TAB2: variants seen among roughly 807,000 people sequenced by gnomAD.
TAB2 encodes TGF-beta activated kinase 1 (MAP3K7) binding protein 2, also known as TGF-beta-activated kinase 1 and MAP3K7-binding protein 2.
In TAB2, 3 loss-of-function variants were observed where a neutral mutation model predicts 65.0. The ratio of observed to expected loss-of-function variants is 0.05; its 90% CI spans 0.02 to 0.12. TAB2 has a LOEUF of 0.12. TAB2 is among the 10% of genes least tolerant of loss of function. The pLI is 1.00. For synonymous variants in TAB2, 298 were observed against 285.1 expected (o/e 1.05, Z -0.46); for missense variants, 623 against 840.3 (o/e 0.74, Z 3.20).
At chr6:149,372,581 G>T (rs1253616280) in intron 2 of TAB2, among the ~76,000 whole-genome samples, 1 of 151,892 alleles carries the variant, frequency 6.6e-6, no homozygotes, top group Non-Finnish European at 1.5e-5. Flanking sequence ...TGTTAATCTG[G>T]CTTTACAAAA....
intron 1 of TAB2, among the ~76,000 whole-genome samples, chr6:149,369,516 A>G (rs931375296): frequency 6.6e-6 from 1 of 152,196 alleles, no homozygotes; most frequent in Admixed American, 6.5e-5. Flanking sequence ...AGTCATTTGT[A>G]GTACCAAATT....
intron 1 of TAB2, among the ~76,000 whole-genome samples, chr6:149,365,367 A>G (rs373350109): frequency 7.2e-5 from 11 of 152,190 alleles, no homozygotes; most frequent in African/African-American, 1.9e-4. Flanking sequence ...TCAAATAGTT[A>G]TATTGCTTTC....
At chr6:149,259,788 A>G (rs1778114636) in intron 1 of TAB2, among the ~76,000 whole-genome samples, 1 of 152,252 alleles carries the variant, frequency 6.6e-6, no homozygotes, top group South Asian at 2.1e-4. Context: ...AATAAGAGAC[A>G]TGATACAAGT....
At chr6:149,344,737 AT>A (rs1562425128) in intron 1 of TAB2, among the ~76,000 whole-genome samples, 3 of 152,184 alleles carry the variant, frequency 2.0e-5, no homozygotes, top group Non-Finnish European at 4.4e-5. Context: ...GGTTGAATTG[AT>A]GAAGTTAGAG....
At chr6:149,393,750 A>G (rs1583155046) in intron 3 of TAB2, among the ~76,000 whole-genome samples, 1 of 152,212 alleles carries the variant, frequency 6.6e-6, no homozygotes, top group Admixed American at 6.5e-5. Context: ...GATTATTTTT[A>G]TGATTTTCCA....
intron 1 of TAB2, among the ~76,000 whole-genome samples, chr6:149,310,294 G>A (rs1184982566): frequency 6.6e-6 from 1 of 152,150 alleles, no homozygotes; most frequent in East Asian, 1.9e-4. Flanking sequence ...GGGAGATCAT[G>A]CCACTGCACT....
intron 1 of TAB2, among the ~76,000 whole-genome samples, chr6:149,258,726 C>T (rs1278402462): frequency 6.6e-6 from 1 of 152,188 alleles, no homozygotes; most frequent in Non-Finnish European, 1.5e-5. Flanking sequence ...AGATTAGTTT[C>T]TCTCCCTTCC....
intron 1 of TAB2, among the ~76,000 whole-genome samples, chr6:149,358,269 T>C (rs543231644): frequency 7.2e-5 from 11 of 152,348 alleles, no homozygotes; most frequent in Non-Finnish European, 1.5e-4. Flanking sequence ...GATTTATATT[T>C]CATATCCACC....
intron 1 of TAB2, among the ~76,000 whole-genome samples, chr6:149,224,412 A>G (rs1777222718): frequency 6.6e-6 from 1 of 152,196 alleles, no homozygotes; most frequent in African/African-American, 2.4e-5. Context: ...ATCAAGTCAA[A>G]TGGCACGGAT....
chr6:149,345,906 T>G (rs1780280419), intron 1 of TAB2, among the ~76,000 whole-genome samples: 1 of 152,166 alleles, frequency 6.6e-6, no homozygotes, highest in Admixed American at 6.5e-5. Flanking sequence ...TATTTGGACA[T>G]CATATTCCAC....
intron 3 of TAB2, among the ~76,000 whole-genome samples, chr6:149,391,120 C>T (rs572374366): frequency 1.3e-5 from 2 of 152,208 alleles, no homozygotes; most frequent in South Asian, 2.1e-4. Context: ...CTGGAAATCC[C>T]CTCATATTTT....
At chr6:149,249,836 A>G (rs562687767) in intron 1 of TAB2, among the ~76,000 whole-genome samples, 5 of 152,352 alleles carry the variant, frequency 3.3e-5, no homozygotes, top group Admixed American at 3.3e-4. Flanking sequence ...AACCAGTTCA[A>G]GAGATGGATA....
chr6:149,409,867 C>A lies in TAB2; in HGVS notation c.*148C>A. ...TCTGCTAATGTTAAATGTCAGCCCA[C>A]AGAGCTAATAATACCTCAGTATAAT... On this transcript the variant is annotated 3_prime_UTR_variant, in exon 7 of 7. Transcript: ENST00000637181. 1.1e-6 allele frequency: 1 copy of A among 872,862 alleles called. No individual in the cohort carries two copies. Among genetic ancestry groups the A allele is most frequent in the Non-Finnish European group, 1.8e-6 (1 of 541,398 alleles). 54.1% of individuals were successfully genotyped at this position (872,862 alleles called of 1,614,324 possible).
At chr6:149,280,440 G>A (rs541695386) in intron 1 of TAB2, among the ~76,000 whole-genome samples, 8 of 152,156 alleles carry the variant, frequency 5.3e-5, no homozygotes, top group African/African-American at 1.7e-4. Flanking sequence ...TATTTCCTCC[G>A]CATGGTGCTT....
At chr6:149,221,120 G>C (rs1238365872) in intron 1 of TAB2, 1 of 152,154 alleles carries the variant, frequency 6.6e-6, no homozygotes, top group Non-Finnish European at 1.5e-5. Flanking sequence ...CTCAAACAAA[G>C]CAGCACGTTT....
At chr6:149,229,278 A>G (rs1777350134) in intron 1 of TAB2, among the ~76,000 whole-genome samples, 1 of 152,158 alleles carries the variant, frequency 6.6e-6, no homozygotes, top group South Asian at 2.1e-4. Context: ...ACTAAACACA[A>G]GAATAAGGCT....
intron 1 of TAB2, chr6:149,246,923 G>A (rs1777732008): frequency 6.6e-6 from 1 of 152,392 alleles, no homozygotes; most frequent in Non-Finnish European, 1.5e-5. Context: ...CAAACAGAAA[G>A]TGCCTGAGTT....
At chr6:149,243,641 T>C (rs775787218) in intron 1 of TAB2, 1 of 152,240 alleles carries the variant, frequency 6.6e-6, no homozygotes, top group Non-Finnish European at 1.5e-5. Flanking sequence ...GCTTTTTGAT[T>C]GGCTGAAGGC....
chr6:149,342,545 A>C (rs1385118189), intron 1 of TAB2: 1 of 152,214 alleles, frequency 6.6e-6, no homozygotes, highest in African/African-American at 2.4e-5. Flanking sequence ...GCAATTTAAG[A>C]GACCCATTTT....
Sources: gnomAD v4.1 joint callset for allele counts (sites outside exome capture counted in the v4.1 genomes callset) on GRCh38, gnomAD v4.1.1 for gene constraint, MANE v1.5 for transcripts, NCBI Gene and HGNC (gene_info 2026-07-23, HGNC 2026-07-21) for gene names.